The following PAIP2B variants were observed in gnomAD, a reference collection of about 807,000 sequenced individuals.
PAIP2B encodes polyadenylate-binding protein-interacting protein 2B.
A neutral mutation model predicts 17.0 loss-of-function variants in PAIP2B; 13 were observed. The ratio of observed to expected loss-of-function variants is 0.76; its 90% CI spans 0.50 to 1.22. PAIP2B has a LOEUF of 1.22. Among genes scored for constraint, PAIP2B ranks in the 50% most tolerant of loss-of-function variants. PAIP2B has a pLI of 0.00. For synonymous variants in PAIP2B, 43 were observed against 48.7 expected (o/e 0.88, Z 0.48); for missense variants, 117 against 144.5 (o/e 0.81, Z 0.98).
chr2:71,188,491 T>C lies in PAIP2B; in HGVS notation c.360A>G (p.Gly120=). Residue 120 remains glycine (G), a synonymous_variant, in exon 4 of 4, where the codon GGA becomes GGG. Coordinates refer to ENST00000244221, the MANE Select transcript of PAIP2B (RefSeq NM_020459.1). ...AAGCTTTCTCGGCTCAGTACTTCTC[T>C]CCTGGAATAAACTCCTTGGCATCTG... ...LNPDAKEFIP[G]EKY The C allele has an allele frequency of 6.2e-7, 1 of 1,610,146 alleles. No homozygotes were observed. Among genetic ancestry groups the C allele is most frequent in the Non-Finnish European group, 8.5e-7 (1 of 1,178,158 alleles).
At chr2:71,199,712 G>A (rs886894942) in intron 2 of PAIP2B, among the ~76,000 whole-genome samples, 10 of 152,058 alleles carry the variant, frequency 6.6e-5, no homozygotes, top group African/African-American at 1.2e-4. Context: ...GACTAAAGGC[G>A]CCCACCACCT....
rs1241561107 is a variant in PAIP2B, at chr2:71,182,947, A to G, written c.*5532T>C. On this transcript the variant is annotated 3_prime_UTR_variant, in exon 4 of 4. Transcript: ENST00000244221. ...AAAAACAGCTTTATAAACACTTGTG[A>G]AACAGGGGTAAGTGTCCGAAGTCAA... The G allele has an allele frequency of 2.4e-5, 3 of 123,858 alleles. No homozygotes were observed. The highest frequency in any genetic ancestry group is 3.3e-5 in the Non-Finnish European group (2 of 60,342). 7.7% of individuals were successfully genotyped at this position (123,858 alleles called of 1,614,324 possible). A position where few individuals can be genotyped will look rare whatever the true frequency, so the allele number is the denominator to read the frequency against.
At chr2:71,215,383 G>A (rs1393445344) in intron 1 of PAIP2B, among the ~76,000 whole-genome samples, 2 of 152,206 alleles carry the variant, frequency 1.3e-5, no homozygotes, top group African/African-American at 4.8e-5. Flanking sequence ...GTCTAAAGGT[G>A]AGGCGCAAAA....
chr2:71,184,228 G>C lies in PAIP2B; in HGVS notation c.*4251C>G, dbSNP rs1674473894. 6.6e-6 allele frequency: 1 copy of C among 152,190 alleles called. No homozygotes were observed. Among genetic ancestry groups the C allele is most frequent in the South Asian group, 2.1e-4 (1 of 4,826 alleles). The allele number at this position is 152,190 out of a possible 1,614,324, so 9.4% of individuals were successfully genotyped here. A position where few individuals can be genotyped will look rare whatever the true frequency, so the allele number is the denominator to read the frequency against. ...GTAAATGTCACAAAAGAGACTCCTAGTAACACAATCTGAGGGAGCTTTTTC... is the reference window on the plus strand; with the variant it reads ...GTAAATGTCACAAAAGAGACTCCTACTAACACAATCTGAGGGAGCTTTTTC... On this transcript the variant is annotated 3_prime_UTR_variant, in exon 4 of 4. Coordinates refer to ENST00000244221, the MANE Select transcript of PAIP2B (RefSeq NM_020459.1).
chr2:71,216,649 C>T (rs1675437379), intron 1 of PAIP2B, among the ~76,000 whole-genome samples: 1 of 152,196 alleles, frequency 6.6e-6, no homozygotes, highest in South Asian at 2.1e-4. Flanking sequence ...AATGCGAATT[C>T]TCAGGCCCCA....
intron 1 of PAIP2B, among the ~76,000 whole-genome samples, chr2:71,221,090 C>A (rs1675569484): frequency 6.6e-6 from 1 of 152,214 alleles, no homozygotes. Context: ...TCTAGACACT[C>A]TGCCAACAAC....
At chr2:71,225,648 C>T (rs1339597019) in intron 1 of PAIP2B, among the ~76,000 whole-genome samples, 1 of 152,186 alleles carries the variant, frequency 6.6e-6, no homozygotes, top group African/African-American at 2.4e-5. Flanking sequence ...TGTCCAATAT[C>T]TGAATTTATA....
chr2:71,220,565 TAACTC>T lies in PAIP2B; in HGVS notation c.-12+6358_-12+6362del, dbSNP rs1675557481. 3.3e-5 allele frequency among the ~76,000 whole-genome samples: 5 copies of T among 152,384 alleles called. No individual in the cohort carries two copies. The South Asian group carries it at 8.3e-4, about 25-fold the overall frequency. On this transcript the variant is annotated intron_variant, in intron 1 of 3. Coordinates refer to ENST00000244221, the MANE Select transcript of PAIP2B (RefSeq NM_020459.1). The stretch of plus-strand genomic sequence containing the variant: ...TGCAATATAAAATGTTTAAAAATGT[TAACTC>T]AAATTAAGGTGGATAAATTCCTTCA...
intron 3 of PAIP2B, 53 bp from the exon 4 acceptor site, chr2:71,188,588 C>A: frequency 6.9e-7 from 1 of 1,448,500 alleles, no homozygotes; most frequent in Non-Finnish European, 9.5e-7. Flanking sequence ...CATTTTAAAA[C>A]TTACCCAGTC....
chr2:71,222,888 A>T (rs1459478484), intron 1 of PAIP2B, among the ~76,000 whole-genome samples: 1 of 152,204 alleles, frequency 6.6e-6, no homozygotes, highest in Non-Finnish European at 1.5e-5. Flanking sequence ...CAATGGAGAG[A>T]GGCTCAAAAG....
chr2:71,222,098 G>A (rs975048274), intron 1 of PAIP2B, among the ~76,000 whole-genome samples: 1 of 152,108 alleles, frequency 6.6e-6, no homozygotes, highest in African/African-American at 2.4e-5. Flanking sequence ...CACTCTTTGG[G>A]TCCGTACCAT....
intron 1 of PAIP2B, 125 bp from the exon 2 acceptor site, chr2:71,202,725 C>G (rs535638149): frequency 1.4e-5 from 11 of 783,492 alleles, no homozygotes; most frequent in Non-Finnish European, 2.0e-5. Flanking sequence ...TATAGATAAA[C>G]AGAAACTTAG....
At chr2:71,189,176 C>A (rs575667809) in intron 3 of PAIP2B, among the ~76,000 whole-genome samples, 4 of 152,120 alleles carry the variant, frequency 2.6e-5, no homozygotes, top group African/African-American at 7.2e-5. Context: ...CCATGCCTGG[C>A]TAATTTTTGT....
At chr2:71,194,942 T>G (rs1191271179) in intron 2 of PAIP2B, among the ~76,000 whole-genome samples, 1 of 152,224 alleles carries the variant, frequency 6.6e-6, no homozygotes, top group Non-Finnish European at 1.5e-5. Flanking sequence ...CATGAAGCAA[T>G]GTTGAATTTT....
intron 1 of PAIP2B, among the ~76,000 whole-genome samples, chr2:71,207,238 G>A (rs1463994463): frequency 6.6e-6 from 1 of 152,158 alleles, no homozygotes; most frequent in East Asian, 1.9e-4. Flanking sequence ...GTTTCCCTGA[G>A]CAAGAAACAT....
intron 1 of PAIP2B, among the ~76,000 whole-genome samples, chr2:71,204,398 A>C (rs1675069603): frequency 6.6e-6 from 1 of 152,080 alleles, no homozygotes; most frequent in Non-Finnish European, 1.5e-5. Context: ...GTTCTCTTTA[A>C]AGGTTTTTTG....
At chr2:71,193,495 A>G (rs1334998216) in intron 2 of PAIP2B, among the ~76,000 whole-genome samples, 1 of 152,056 alleles carries the variant, frequency 6.6e-6, no homozygotes. Flanking sequence ...TGTCTTCGCC[A>G]TTAAATCTTT....
At chr2:71,220,818 A>ATT (rs1439206807) in intron 1 of PAIP2B, among the ~76,000 whole-genome samples, 1 of 151,876 alleles carries the variant, frequency 6.6e-6, no homozygotes. Context: ...TTTCCCCAGC[A>ATT]CTCCATATAT....
chr2:71,223,622 A>G lies in PAIP2B; in HGVS notation c.-12+3306T>C, dbSNP rs1360738281. 3.3e-5 allele frequency among the ~76,000 whole-genome samples: 5 copies of G among 151,874 alleles called. No homozygotes were observed. The East Asian group carries it at 9.8e-4, about 30-fold the overall frequency. On this transcript the variant is annotated intron_variant, in intron 1 of 3. Transcript: ENST00000244221. ...TGGCTAATTTTTTTGTATTTTTAGT[A>G]GAGACAGGGTTCCACCATCCTGGAC...
Sources: allele counts gnomAD v4.1 joint callset (sites outside exome capture counted in the v4.1 genomes callset), GRCh38; gene constraint gnomAD v4.1.1; transcripts MANE v1.5; gene names NCBI Gene and HGNC (gene_info 2026-07-23, HGNC 2026-07-21).